The following PKD2 variants were observed in gnomAD, a reference collection of about 807,000 sequenced individuals.
PKD2 encodes the protein polycystin-2.
A neutral mutation model predicts 105.9 loss-of-function variants in PKD2; 48 were observed. The ratio of observed to expected loss-of-function variants is 0.45; its 90% CI spans 0.36 to 0.58. The LOEUF is 0.58. Among genes scored for constraint, PKD2 ranks in the 20% least tolerant of loss-of-function variants. The pLI is 0.00. For synonymous variants in PKD2, 464 were observed against 481.1 expected (o/e 0.96, Z 0.46); for missense variants, 1,078 against 1,255.3 (o/e 0.86, Z 2.13).
chr4:88,054,248 A>G (rs897299075), intron 7 of PKD2, among the ~76,000 whole-genome samples: 2 of 151,920 alleles, frequency 1.3e-5, no homozygotes, highest in Non-Finnish European at 2.9e-5. Flanking sequence ...ACAAAAAAAA[A>G]AAATTAGCTG....
At position 88,008,171 on chromosome 4, in the gene PKD2, C is replaced by A. The variant is rs1190814257; in HGVS notation, c.438C>A (p.Gly146=). 5.0e-6 allele frequency: 7 copies of A among 1,409,034 alleles called. No individual in the cohort carries two copies. The Admixed American group carries it at 2.0e-4, about 40-fold the overall frequency. 87.3% of individuals were successfully genotyped at this position (1,409,034 alleles called of 1,614,324 possible). ...GCCGGGGGCTTGGGGGCTACCACGGCGCGGGCCACCCGAGCGGGAGGCGGC... is the reference window on the plus strand; with the variant it reads ...GCCGGGGGCTTGGGGGCTACCACGGAGCGGGCCACCCGAGCGGGAGGCGGC... ...ARSRGLGGYH[G]AGHPSGRRRR... The change falls in exon 1 of 15, where the codon GGC becomes GGA. Residue 146 remains glycine, a synonymous_variant. Coordinates refer to ENST00000237596, the MANE Select transcript of PKD2 (RefSeq NM_000297.4).
chr4:88,035,576 C>A (rs1185524500), intron 2 of PKD2, among the ~76,000 whole-genome samples: 1 of 152,036 alleles, frequency 6.6e-6, no homozygotes, highest in Admixed American at 6.6e-5. Flanking sequence ...GCAGCCATGG[C>A]CAAGGTTAGA....
intron 3 of PKD2, 78 bp downstream of exon 3, chr4:88,036,431 T>C: frequency 6.2e-7 from 1 of 1,600,450 alleles, no homozygotes. Flanking sequence ...AATGCATGAG[T>C]ATCGACAGGA....
chr4:88,009,070 G>T (rs1055574953), intron 1 of PKD2, among the ~76,000 whole-genome samples: 6 of 152,160 alleles, frequency 3.9e-5, no homozygotes, highest in East Asian at 3.8e-4. Context: ...CCACCAAAAT[G>T]ATGAAGTCAC....
In PKD2 at chr4:88,065,359, TTC is replaced by T; in HGVS notation, c.2119-7_2119-6del. On this transcript the variant is annotated splice_polypyrimidine_tract_variant and intron_variant, in intron 10 of 14. Transcript: ENST00000237596. Reference sequence around the variant, plus strand: ...TACACTAAACCAAGTCTTTTATTTTTTCTCTCTCTGATAGGGCTACCATAAAG... The same window carrying T: ...TACACTAAACCAAGTCTTTTATTTTTTCTCTCTGATAGGGCTACCATAAAG... 2.5e-6 allele frequency: 4 copies of T among 1,609,678 alleles called. No homozygotes were observed. The highest frequency in any genetic ancestry group is 2.6e-6 in the Non-Finnish European group (3 of 1,176,050).
At chr4:88,065,083 A>G (rs369650778) in intron 10 of PKD2, among the ~76,000 whole-genome samples, 7 of 152,328 alleles carry the variant, frequency 4.6e-5, no homozygotes, top group East Asian at 3.9e-4. Flanking sequence ...GCAGACAGCT[A>G]TAGCATATAT....
intron 1 of PKD2, 54 bp downstream of exon 1, chr4:88,008,382 G>C: frequency 6.8e-7 from 1 of 1,476,484 alleles, no homozygotes; most frequent in Non-Finnish European, 9.0e-7. Flanking sequence ...GGCCGGCGCC[G>C]GCCGGGGCCA....
intron 8 of PKD2, among the ~76,000 whole-genome samples, chr4:88,057,255 T>C (rs1720385967): frequency 6.6e-6 from 1 of 151,934 alleles, no homozygotes; most frequent in Non-Finnish European, 1.5e-5. Flanking sequence ...CTTCCAAAAG[T>C]ACTGGGATTA....
chr4:88,051,952 T>C, intron 6 of PKD2, 39 bp from the exon 7 acceptor site: 1 of 1,192,136 alleles, frequency 8.4e-7, no homozygotes, highest in African/African-American at 1.5e-5. Context: ...TTCATATTTC[T>C]AAAACACTGT....
Position 88,063,615 on chromosome 4 carries a change from C to T in PKD2, c.2118+1611C>T, listed in dbSNP as rs550086685. On this transcript the variant is annotated intron_variant, in intron 10 of 14. Transcript: ENST00000237596. The stretch of plus-strand genomic sequence containing the variant: ...AAATGGTAACACTGGAAGTGAAAAT[C>T]AAAACAGAGTAATGGATTTATAGAA... Among the ~76,000 whole-genome samples the T allele has an allele frequency of 4.6e-5, 7 of 151,724 alleles. No individual in the cohort carries two copies. The South Asian group carries it at 1.5e-3, about 32-fold the overall frequency.
chr4:88,041,398 C>G (rs981927006), intron 4 of PKD2, among the ~76,000 whole-genome samples: 1 of 152,090 alleles, frequency 6.6e-6, no homozygotes, highest in Non-Finnish European at 1.5e-5. Flanking sequence ...CCCCCAGGTT[C>G]AGTGATTCAC....
At chr4:88,034,246 C>A (rs1353233076) in intron 2 of PKD2, among the ~76,000 whole-genome samples, 4 of 152,104 alleles carry the variant, frequency 2.6e-5, no homozygotes, top group African/African-American at 7.2e-5. Context: ...ATACAGTATA[C>A]AAGTTGTGTG....
rs1720866747 is a variant in PKD2, at chr4:88,068,190, G to A, written c.2522+129G>A. The stretch of plus-strand genomic sequence containing the variant: ...CAGCTTTTAAAAATAACTTATACTG[G>A]CCAGACGCAGTGGCTCATGCCTGTA... On this transcript the variant is annotated intron_variant, in intron 13 of 14. Transcript: ENST00000237596. The A allele has an allele frequency of 8.2e-6, 7 of 851,372 alleles. No homozygotes were observed. The South Asian group carries it at 9.7e-5, about 12-fold the overall frequency. The allele number at this position is 851,372 out of a possible 1,614,324, so 52.7% of individuals were successfully genotyped here. A position where few individuals can be genotyped will look rare whatever the true frequency, so the allele number is the denominator to read the frequency against.
chr4:88,067,275 T>C (rs2110140389), intron 12 of PKD2, among the ~76,000 whole-genome samples: 1 of 152,318 alleles, frequency 6.6e-6, no homozygotes, highest in Admixed American at 6.5e-5. Context: ...AAAATATTTT[T>C]GAAAATCCCA....
chr4:88,065,154 C>T (rs1720742176), intron 10 of PKD2, among the ~76,000 whole-genome samples: 1 of 152,094 alleles, frequency 6.6e-6, no homozygotes, highest in Admixed American at 6.6e-5. Context: ...ACCTTTAGTT[C>T]TTCATGACTT....
intron 7 of PKD2, among the ~76,000 whole-genome samples, chr4:88,054,650 C>CTTTT (rs1184325520): frequency 3.1e-4 from 25 of 81,346 alleles, no homozygotes; most frequent in African/African-American, 1.5e-3. Flanking sequence ...CATGACTCTA[C>CTTTT]TTTTTTTTTT....
chr4:88,054,153 T>G (rs1720222359), intron 7 of PKD2, among the ~76,000 whole-genome samples: 1 of 151,714 alleles, frequency 6.6e-6, no homozygotes, highest in African/African-American at 2.4e-5. Context: ...TCACGCACTT[T>G]GGGAGGCTGA....
chr4:88,042,782 T>C (rs2110111574), intron 4 of PKD2, among the ~76,000 whole-genome samples: 1 of 152,362 alleles, frequency 6.6e-6, no homozygotes, highest in South Asian at 2.1e-4. Flanking sequence ...TTCTAAGAGA[T>C]CCTCTGAATA....
intron 2 of PKD2, among the ~76,000 whole-genome samples, chr4:88,028,330 A>G (rs749904864): frequency 5.3e-5 from 8 of 152,256 alleles, no homozygotes; most frequent in Non-Finnish European, 8.8e-5. Context: ...TCAGTGAGTT[A>G]ATCTCACAGC....
Sources: allele counts gnomAD v4.1 joint callset (sites outside exome capture counted in the v4.1 genomes callset), GRCh38; gene constraint gnomAD v4.1.1; transcripts MANE v1.5; gene names NCBI Gene and HGNC (gene_info 2026-07-23, HGNC 2026-07-21).